CAST: variants seen among roughly 807,000 people sequenced by gnomAD.
CAST encodes MIR583 host.
Under a neutral mutation model 119.6 loss-of-function variants are expected in CAST, and 76 were observed. The ratio of observed to expected loss-of-function variants is 0.64; its 90% confidence interval spans 0.53 to 0.77. CAST has a LOEUF of 0.77. Among genes scored for constraint, CAST ranks in the 30% least tolerant of loss-of-function variants. The pLI, the probability that CAST is intolerant of heterozygous loss-of-function variation, is 0.00. For synonymous variants in CAST, 319 were observed against 331.6 expected, an observed-to-expected ratio of 0.96 and a Z score of 0.41; for missense variants, 953 against 946.5, an observed-to-expected ratio of 1.01 and a Z score of -0.09.
chr5:96,750,722 A>C, intron 20 of CAST, 40 bp downstream of exon 20: 1 of 1,179,750 alleles, frequency 8.5e-7, no homozygotes, highest in Non-Finnish European at 1.3e-6. Context: ...GGCTTGAGAA[A>C]GTTTTCTGCC....
chr5:96,470,032 C>T, the CAST span, among the ~76,000 whole-genome samples: 10 of 151,412 alleles, frequency 6.6e-5, no homozygotes, highest in East Asian at 1.2e-3. Flanking sequence ...GTTATATCTA[C>T]TTTGTTCTAT....
the CAST span, among the ~76,000 whole-genome samples, chr5:96,486,710 G>T: frequency 6.6e-6 from 1 of 151,736 alleles, no homozygotes; most frequent in African/African-American, 2.4e-5. Context: ...TGTGTTGGGG[G>T]GGCAGATTCT....
At chr5:96,588,196 CT>C (rs140665192) in intron 1 of CAST, among the ~76,000 whole-genome samples, 1,164 of 75,752 alleles carry the variant, frequency 0.015, 2 homozygotes, top group African/African-American at 0.069. Context: ...TTCTTTCTTT[CT>C]TTTTTTTTTT....
At chr5:96,398,478 G>A in the CAST span, among the ~76,000 whole-genome samples, 1 of 152,032 alleles carries the variant, frequency 6.6e-6, no homozygotes, top group Non-Finnish European at 1.5e-5. Context: ...TCCTCTAATC[G>A]ATCTGAATTC....
the CAST span, among the ~76,000 whole-genome samples, chr5:96,273,413 A>G: frequency 1.3e-5 from 2 of 152,222 alleles, no homozygotes; most frequent in Non-Finnish European, 2.9e-5. Context: ...AGCAGGAGTC[A>G]GAGAAATAGA....
the CAST span, among the ~76,000 whole-genome samples, chr5:96,423,990 G>A: frequency 6.6e-6 from 1 of 152,206 alleles, no homozygotes; most frequent in African/African-American, 2.4e-5. Flanking sequence ...CTATTTTTAA[G>A]TATGAGTGAT....
At chr5:96,105,453 C>G in the CAST span, among the ~76,000 whole-genome samples, 7 of 152,092 alleles carry the variant, frequency 4.6e-5, no homozygotes, top group East Asian at 5.8e-4. Context: ...GAAGGTTGTT[C>G]AATTTTGTCA....
At chr5:96,006,258 G>A in the CAST span, among the ~76,000 whole-genome samples, 1 of 152,066 alleles carries the variant, frequency 6.6e-6, no homozygotes, top group African/African-American at 2.4e-5. Context: ...TCTTCAGAAT[G>A]TACTCAGCAG....
the CAST span, among the ~76,000 whole-genome samples, chr5:96,274,145 A>T: frequency 2.0e-5 from 3 of 149,150 alleles, no homozygotes; most frequent in South Asian, 6.4e-4. Flanking sequence ...TCTGACGCCT[A>T]GGTTGGAGTG....
the CAST span, among the ~76,000 whole-genome samples, chr5:96,299,599 A>C: frequency 6.6e-6 from 1 of 152,212 alleles, no homozygotes; most frequent in East Asian, 1.9e-4. Flanking sequence ...TGAAGCATGC[A>C]TATTTCATAG....
At chr5:96,687,490 A>C (rs1198888366) in intron 2 of CAST, among the ~76,000 whole-genome samples, 1 of 152,226 alleles carries the variant, frequency 6.6e-6, no homozygotes, top group African/African-American at 2.4e-5. Context: ...AATAAGAAAG[A>C]TGTTGTTTGG....
chr5:96,254,999 G>A, the CAST span, among the ~76,000 whole-genome samples: 5 of 151,998 alleles, frequency 3.3e-5, no homozygotes, highest in Non-Finnish European at 5.9e-5. Flanking sequence ...ATCTTTGGGT[G>A]GATTAAAAGT....
the CAST span, chr5:96,421,993 TAAAAAAAAAAAAAAAAA>T: frequency 0.016 from 5,742 of 358,606 alleles, 426 homozygotes; most frequent in African/African-American, 0.25. Context: ...GTGGCAGCAT[TAAAAAAAAAAAAAAAAA>T]AAAAAAAAAG....
chr5:96,642,395 G>A (rs1017738970), intron 1 of CAST, among the ~76,000 whole-genome samples: 2 of 152,204 alleles, frequency 1.3e-5, no homozygotes, highest in Non-Finnish European at 2.9e-5. Flanking sequence ...ATAGCCTGGG[G>A]AATTAGAAAG....
At chr5:96,057,804 G>T in the CAST span, among the ~76,000 whole-genome samples, 1 of 152,064 alleles carries the variant, frequency 6.6e-6, no homozygotes, top group African/African-American at 2.4e-5. Flanking sequence ...GTCACATCAG[G>T]TCTCCTCTAG....
the CAST span, among the ~76,000 whole-genome samples, chr5:96,158,167 C>G: frequency 2.0e-5 from 3 of 151,994 alleles, no homozygotes; most frequent in African/African-American, 7.2e-5. Context: ...AGACAGCCAC[C>G]CATATCCAAT....
the CAST span, among the ~76,000 whole-genome samples, chr5:96,487,543 A>G: frequency 2.6e-5 from 4 of 152,184 alleles, no homozygotes; most frequent in Non-Finnish European, 1.5e-5. Flanking sequence ...CATGAGACAA[A>G]TCTATTCTCA....
the CAST span, among the ~76,000 whole-genome samples, chr5:96,171,005 A>G: frequency 6.6e-6 from 1 of 152,054 alleles, no homozygotes; most frequent in Non-Finnish European, 1.5e-5. Flanking sequence ...GTCCGTAGAA[A>G]AGGAAGATTG....
the CAST span, among the ~76,000 whole-genome samples, chr5:96,309,369 T>C: frequency 9.6e-4 from 146 of 152,360 alleles, no homozygotes; most frequent in Non-Finnish European, 1.4e-3. Flanking sequence ...TTCAAGCCAG[T>C]GGATCTTAGC....
Sources: gnomAD v4.1 joint callset for allele counts (sites outside exome capture counted in the v4.1 genomes callset) on GRCh38, gnomAD v4.1.1 for gene constraint, MANE v1.5 for transcripts, NCBI Gene and HGNC (gene_info 2026-07-23, HGNC 2026-07-21) for gene names.